Variants in NELL1 observed in about 807,000 individuals in gnomAD.
NELL1 encodes neural EGFL like 1.
In NELL1, 76 loss-of-function variants were observed where a neutral mutation model predicts 107.4. The ratio of observed to expected loss-of-function variants is 0.71; its 90% CI spans 0.59 to 0.86. The LOEUF is 0.86. NELL1 is among the 40% of genes least tolerant of loss of function. The pLI is 0.00. For missense variants in NELL1, 1,024 were observed against 1,005.5 expected (o/e 1.02, Z -0.25); for synonymous variants, 353 against 341.2 (o/e 1.03, Z -0.38).
intron 12 of NELL1, among the ~76,000 whole-genome samples, chr11:21,053,917 A>G (rs1853556107): frequency 6.6e-6 from 1 of 152,164 alleles, no homozygotes; most frequent in South Asian, 2.1e-4. Flanking sequence ...ATGAAATCTA[A>G]ACAATAAGAA....
At position 20,669,934 on chromosome 11, in the gene NELL1, C is replaced by T. The variant is rs1232943684; in HGVS notation, c.55+156C>T. Among the ~76,000 whole-genome samples, 1 of 152,134 alleles carries T rather than the reference C, an allele frequency of 6.6e-6. No homozygotes were observed. The highest frequency in any genetic ancestry group is 1.9e-4 in the East Asian group (1 of 5,162). On this transcript the variant is annotated intron_variant, in intron 1 of 19. Coordinates refer to ENST00000357134, the MANE Select transcript of NELL1 (RefSeq NM_006157.5). This position sits in a 1 kb window ranked among gnomAD's most constrained non-coding sequence, Gnocchi z 4.4. Reference sequence around the variant, plus strand: ...GATCTCTTTGCCCTGCTCGGAGTGACAGGGTGAAAATAGGGACTCACGGGC... The same window carrying T: ...GATCTCTTTGCCCTGCTCGGAGTGATAGGGTGAAAATAGGGACTCACGGGC...
At chr11:20,855,118 A>G (rs1449600911) in intron 4 of NELL1, among the ~76,000 whole-genome samples, 1 of 151,240 alleles carries the variant, frequency 6.6e-6, no homozygotes, top group Non-Finnish European at 1.5e-5. Context: ...ACCTTGTCCT[A>G]TGTTCTATTA....
intron 14 of NELL1, among the ~76,000 whole-genome samples, chr11:21,297,471 A>G (rs541602376): frequency 6.6e-6 from 1 of 152,210 alleles, no homozygotes; most frequent in African/African-American, 2.4e-5. Flanking sequence ...CAAGGTAAGA[A>G]AAGCCTCTGG....
At chr11:20,953,911 G>C (rs372083493) in intron 11 of NELL1, among the ~76,000 whole-genome samples, 1 of 152,118 alleles carries the variant, frequency 6.6e-6, no homozygotes, top group Non-Finnish European at 1.5e-5. Context: ...GGATGAATGC[G>C]GACATGTTTA....
chr11:21,342,415 G>C (rs1407871149), intron 14 of NELL1, among the ~76,000 whole-genome samples: 1 of 148,628 alleles, frequency 6.7e-6, no homozygotes, highest in East Asian at 2.1e-4. Flanking sequence ...CTTAAGTGGG[G>C]GGGGGGGTCA....
chr11:20,767,210 T>C lies in NELL1; in HGVS notation c.185-16470T>C, dbSNP rs561840625. 9.9e-4 allele frequency among the ~76,000 whole-genome samples: 150 copies of C among 152,182 alleles called. 1 individual carries two copies. Among genetic ancestry groups the C allele is most frequent in the Non-Finnish European group, 1.6e-3 (109 of 68,034 alleles). ...AGTGTAACAGCTCTTAAAGGTGACATGGACCCAAAGAGTGAGCAGCAGCAA... is the reference window on the plus strand; with the variant it reads ...AGTGTAACAGCTCTTAAAGGTGACACGGACCCAAAGAGTGAGCAGCAGCAA... On this transcript the variant is annotated intron_variant, in intron 2 of 19. Coordinates refer to ENST00000357134, the MANE Select transcript of NELL1 (RefSeq NM_006157.5).
At chr11:20,863,683 G>A (rs928316753) in intron 4 of NELL1, among the ~76,000 whole-genome samples, 13 of 151,864 alleles carry the variant, frequency 8.6e-5, no homozygotes, top group African/African-American at 3.1e-4. Flanking sequence ...AGGCAGAGAC[G>A]CTCCTCACTT....
At position 20,800,970 on chromosome 11, in the gene NELL1, T is replaced by G. The variant is rs118031628; in HGVS notation, c.335+17140T>G. On this transcript the variant is annotated intron_variant, in intron 3 of 19. Transcript: ENST00000357134. ...ACAATTAAAAAAAACAAACAAACCA[T>G]GAGTTAGTTTCCAACATTTGAAAAT... 3.9e-5 allele frequency among the ~76,000 whole-genome samples: 6 copies of G among 152,254 alleles called. No individual in the cohort carries two copies. In the East Asian group the frequency reaches 1.2e-3, roughly 29 times the overall value.
At chr11:21,237,253 A>G (rs1590760807) in intron 14 of NELL1, among the ~76,000 whole-genome samples, 1 of 152,134 alleles carries the variant, frequency 6.6e-6, no homozygotes, top group African/African-American at 2.4e-5. Context: ...CAAGGTAGAA[A>G]GAAACAACAT....
intron 14 of NELL1, among the ~76,000 whole-genome samples, chr11:21,319,173 A>G (rs575021637): frequency 1.3e-5 from 2 of 150,984 alleles, no homozygotes; most frequent in East Asian, 3.9e-4. Flanking sequence ...ATGTATACAT[A>G]TTATTTTATT....
chr11:21,412,159 G>A (rs944130953), intron 15 of NELL1, among the ~76,000 whole-genome samples: 6 of 151,922 alleles, frequency 3.9e-5, no homozygotes, highest in African/African-American at 1.4e-4. Context: ...ATTAATTGAT[G>A]GAAAAATAAT....
intron 14 of NELL1, among the ~76,000 whole-genome samples, chr11:21,240,736 A>G (rs1051035554): frequency 1.6e-5 from 2 of 123,978 alleles, no homozygotes; most frequent in Non-Finnish European, 3.2e-5. Context: ...CCTAGCCTTT[A>G]ATATTCCTTT....
intron 15 of NELL1, among the ~76,000 whole-genome samples, chr11:21,390,243 AC>A (rs1851837062): frequency 6.6e-6 from 1 of 151,474 alleles, no homozygotes; most frequent in South Asian, 2.1e-4. Flanking sequence ...TTATTGTGCT[AC>A]CTGTTCTTTT....
At chr11:20,683,035 T>A (rs1236752803) in intron 2 of NELL1, among the ~76,000 whole-genome samples, 1 of 152,098 alleles carries the variant, frequency 6.6e-6, no homozygotes, top group Non-Finnish European at 1.5e-5. Context: ...ATTATTGACA[T>A]GATTATATTT....
intron 2 of NELL1, among the ~76,000 whole-genome samples, chr11:20,714,594 T>A (rs1855196322): frequency 6.6e-6 from 1 of 151,838 alleles, no homozygotes; most frequent in South Asian, 2.1e-4. Context: ...TGTTGCCAGC[T>A]CACTGCAGCC....
In NELL1 at chr11:21,173,393, C is replaced by A. The variant is rs186642873; in HGVS notation, c.1427-55939C>A. On this transcript the variant is annotated intron_variant, in intron 13 of 19. Coordinates refer to ENST00000357134, the MANE Select transcript of NELL1 (RefSeq NM_006157.5). ...GCACAGGGCTATCAGATTTACCAAG[C>A]ACTTTCACATTCTTTTTTTCTAATT... Among the ~76,000 whole-genome samples, 121 of 151,904 alleles carry A rather than the reference C, an allele frequency of 8.0e-4. 4 individuals carry two copies. The highest frequency in any genetic ancestry group is 2.9e-3 in the African/African-American group (118 of 41,250).
At chr11:21,245,310 TG>T (rs1213208136) in intron 14 of NELL1, among the ~76,000 whole-genome samples, 1 of 152,202 alleles carries the variant, frequency 6.6e-6, no homozygotes, top group African/African-American at 2.4e-5. Flanking sequence ...CTCTAGCTCT[TG>T]GCAATTTCTG....
At chr11:20,823,941 G>T (rs1857816605) in intron 3 of NELL1, among the ~76,000 whole-genome samples, 1 of 151,342 alleles carries the variant, frequency 6.6e-6, no homozygotes, top group Admixed American at 6.6e-5. Flanking sequence ...CAAGATGGAA[G>T]GGTAATACTC....
chr11:21,311,941 C>T (rs1849758533), intron 14 of NELL1, among the ~76,000 whole-genome samples: 1 of 152,050 alleles, frequency 6.6e-6, no homozygotes, highest in African/African-American at 2.4e-5. Flanking sequence ...AAGCTTGGTG[C>T]CTTTTCAACA....
Sources: allele counts gnomAD v4.1 joint callset (sites outside exome capture counted in the v4.1 genomes callset), GRCh38; gene constraint gnomAD v4.1.1; non-coding constraint Gnocchi (gnomAD v3.1); transcripts MANE v1.5; gene names NCBI Gene and HGNC (gene_info 2026-07-23, HGNC 2026-07-21).